TASP1: variants seen among roughly 807,000 people sequenced by gnomAD.
TASP1 encodes taspase 1.
Under a neutral mutation model 56.6 loss-of-function variants are expected in TASP1, and 16 were observed. The observed-to-expected ratio is 0.28, with a 90% CI of 0.19 to 0.43. TASP1 has a LOEUF of 0.43. Ranked by LOEUF, TASP1 falls within the 20% of genes least tolerant of loss-of-function variation. The pLI is 1.00. For synonymous variants in TASP1, 179 were observed against 184.2 expected, an observed-to-expected ratio of 0.97 and a Z score of 0.23; for missense variants, 393 against 511.6, an observed-to-expected ratio of 0.77 and a Z score of 2.24.
At chr20:13,476,311 TCTTCA>T (rs2042949646) in intron 11 of TASP1, among the ~76,000 whole-genome samples, 1 of 152,204 alleles carries the variant, frequency 6.6e-6, no homozygotes, top group Non-Finnish European at 1.5e-5. Flanking sequence ...TCAGAAAGGA[TCTTCA>T]CTTATTTCTC....
At chr20:13,534,638 A>G (rs556053915) in intron 8 of TASP1, among the ~76,000 whole-genome samples, 1 of 152,324 alleles carries the variant, frequency 6.6e-6, no homozygotes, top group Admixed American at 6.5e-5. Flanking sequence ...AGTATACCAC[A>G]CTATCATTTT....
chr20:13,637,804 A>C (rs1451071039), intron 1 of TASP1, among the ~76,000 whole-genome samples: 1 of 152,218 alleles, frequency 6.6e-6, no homozygotes, highest in African/African-American at 2.4e-5. Flanking sequence ...ATGTTCTGAA[A>C]GTAGATAGTG....
chr20:13,105,174 G>A, the TASP1 span, among the ~76,000 whole-genome samples: 1 of 152,128 alleles, frequency 6.6e-6, no homozygotes, highest in Non-Finnish European at 1.5e-5. Flanking sequence ...CAGGGGCTAA[G>A]GTGGGGCCAG....
chr20:13,421,839 A>G (rs1211989484), intron 12 of TASP1, among the ~76,000 whole-genome samples: 1 of 152,208 alleles, frequency 6.6e-6, no homozygotes, highest in Non-Finnish European at 1.5e-5. Flanking sequence ...TTAGCAAATA[A>G]TGAGCCACTA....
intron 4 of TASP1, among the ~76,000 whole-genome samples, chr20:13,600,815 A>G (rs2147352357): frequency 6.6e-6 from 1 of 152,336 alleles, no homozygotes; most frequent in Admixed American, 6.5e-5. Flanking sequence ...ATAGGTTAGT[A>G]CAAAAACATG....
chr20:13,445,123 C>T (rs6109888), intron 11 of TASP1, among the ~76,000 whole-genome samples: 13,885 of 152,066 alleles, frequency 0.091, 1,208 homozygotes, highest in African/African-American at 0.23. Context: ...ACTTCCAAAC[C>T]ATAATCAAAA....
the TASP1 span, among the ~76,000 whole-genome samples, chr20:13,133,342 C>A: frequency 6.6e-6 from 1 of 151,848 alleles, no homozygotes; most frequent in African/African-American, 2.4e-5. Context: ...CAGGGACCAG[C>A]CTTTGAGAAT....
chr20:13,498,331 T>TTGTGTG (rs60099056), intron 10 of TASP1, among the ~76,000 whole-genome samples: 7,134 of 134,986 alleles, frequency 0.053, 242 homozygotes, highest in African/African-American at 0.082. Flanking sequence ...TTCTTTTCTT[T>TTGTGTG]TGTGTGTGTG....
intron 6 of TASP1, among the ~76,000 whole-genome samples, chr20:13,570,562 T>C (rs2046676882): frequency 6.6e-6 from 1 of 152,154 alleles, no homozygotes; most frequent in Non-Finnish European, 1.5e-5. Flanking sequence ...CATATCCAAA[T>C]GGTTCCAATG....
the TASP1 span, among the ~76,000 whole-genome samples, chr20:13,145,975 C>A: frequency 2.0e-5 from 3 of 152,144 alleles, no homozygotes; most frequent in Admixed American, 6.5e-5. Context: ...CACATGCATG[C>A]GAATGTTCCT....
the TASP1 span, among the ~76,000 whole-genome samples, chr20:13,213,738 T>C: frequency 6.6e-6 from 1 of 152,204 alleles, no homozygotes. Context: ...TATCTTGAAA[T>C]AGATTTACCC....
chr20:13,257,911 G>A, the TASP1 span, among the ~76,000 whole-genome samples: 63 of 152,184 alleles, frequency 4.1e-4, no homozygotes, highest in East Asian at 0.011. Context: ...ACCAGCTCCA[G>A]GGTAGAAATT....
At chr20:13,176,153 A>T in the TASP1 span, among the ~76,000 whole-genome samples, 1 of 152,216 alleles carries the variant, frequency 6.6e-6, no homozygotes, top group East Asian at 1.9e-4. Context: ...GGAAATATAT[A>T]GGAGAGTTTA....
the TASP1 span, among the ~76,000 whole-genome samples, chr20:13,241,219 C>G: frequency 1.3e-5 from 2 of 152,070 alleles, no homozygotes; most frequent in Non-Finnish European, 2.9e-5. Context: ...GAACAGACTC[C>G]AGTGTCTATT....
chr20:13,219,599 CAA>C, the TASP1 span, among the ~76,000 whole-genome samples: 1 of 149,612 alleles, frequency 6.7e-6, no homozygotes, highest in Admixed American at 6.6e-5. Flanking sequence ...GTTCCCCACC[CAA>C]AAAAAAATAA....
At chr20:13,584,941 T>A (rs1397125339) in intron 5 of TASP1, among the ~76,000 whole-genome samples, 1 of 152,204 alleles carries the variant, frequency 6.6e-6, no homozygotes, top group African/African-American at 2.4e-5. Context: ...TGAAATAATT[T>A]ATGAATTCCT....
At chr20:13,215,903 T>C in the TASP1 span, among the ~76,000 whole-genome samples, 15 of 152,158 alleles carry the variant, frequency 9.9e-5, no homozygotes, top group Non-Finnish European at 1.5e-5. Flanking sequence ...GCACCTCTGA[T>C]TGTGGTGATT....
At chr20:13,499,271 G>A (rs150236138) in intron 10 of TASP1, among the ~76,000 whole-genome samples, 59 of 152,056 alleles carry the variant, frequency 3.9e-4, no homozygotes, top group African/African-American at 1.4e-3. Context: ...GGTATATATG[G>A]TCATAAATAT....
intron 4 of TASP1, among the ~76,000 whole-genome samples, chr20:13,595,219 G>C (rs1307773135): frequency 2.0e-5 from 3 of 152,280 alleles, no homozygotes; most frequent in African/African-American, 7.2e-5. Context: ...AAGAACTCCT[G>C]AAGGAAGCAC....
Sources: allele counts gnomAD v4.1 joint callset (sites outside exome capture counted in the v4.1 genomes callset), GRCh38; gene constraint gnomAD v4.1.1; transcripts MANE v1.5; gene names NCBI Gene and HGNC (gene_info 2026-07-23, HGNC 2026-07-21).